The following PAAF1 variants were observed in gnomAD, a reference collection of about 807,000 sequenced individuals.
PAAF1 encodes the protein proteasomal ATPase associated factor 1.
A neutral mutation model predicts 52.8 loss-of-function variants in PAAF1; 46 were observed. The observed-to-expected ratio is 0.87, with a 90% CI of 0.69 to 1.11. The LOEUF (loss-of-function observed/expected upper bound fraction) is 1.11. Ranked by LOEUF, PAAF1 falls within the 50% of genes most tolerant of loss-of-function variation. The probability of loss-of-function intolerance (pLI) is 0.00; values close to 1 mark genes in which losing one functional copy is unlikely to be tolerated. For synonymous variants in PAAF1, 178 were observed against 172.8 expected, an observed-to-expected ratio of 1.03 and a Z score of -0.24; for missense variants, 424 against 477.4, an observed-to-expected ratio of 0.89 and a Z score of 1.04.
intron 4 of PAAF1, among the ~76,000 whole-genome samples, chr11:73,898,689 C>T (rs1427578673): frequency 6.6e-6 from 1 of 152,114 alleles, no homozygotes; most frequent in East Asian, 1.9e-4. Context: ...TGGTGTGCGC[C>T]TGTAGTCCCA....
At chr11:73,891,636 G>A (rs568092088) in intron 4 of PAAF1, among the ~76,000 whole-genome samples, 7 of 151,866 alleles carry the variant, frequency 4.6e-5, no homozygotes, top group South Asian at 4.1e-4. Flanking sequence ...TTAGCTGAGC[G>A]TGGTGGCACT....
Position 73,919,038 on chromosome 11 carries a change from T to C in PAAF1, c.1018+6T>C, listed in dbSNP as rs1395293689. On this transcript the variant is annotated splice_donor_region_variant and intron_variant, in intron 10 of 11. Transcript: ENST00000310571. ...TGGATTCATTGCTAGCCAAGGTGGGTCCATGGGCCAATTGAGAGAGATGCT... is the reference window on the plus strand; with the variant it reads ...TGGATTCATTGCTAGCCAAGGTGGGCCCATGGGCCAATTGAGAGAGATGCT... 1 of 1,608,746 alleles carries C rather than the reference T, an allele frequency of 6.2e-7. No homozygotes were observed. The highest frequency in any genetic ancestry group is 1.3e-5 in the African/African-American group (1 of 74,650).
At chr11:73,895,266 T>C (rs1325554876) in intron 4 of PAAF1, among the ~76,000 whole-genome samples, 1 of 152,176 alleles carries the variant, frequency 6.6e-6, no homozygotes, top group Non-Finnish European at 1.5e-5. Flanking sequence ...TTCCATTTAC[T>C]AATTGGAGGA....
intron 6 of PAAF1, among the ~76,000 whole-genome samples, chr11:73,905,243 A>G (rs1949724945): frequency 6.6e-6 from 1 of 150,466 alleles, no homozygotes; most frequent in Non-Finnish European, 1.5e-5. Flanking sequence ...TTTTTTTTTG[A>G]GACAGAATCT....
At chr11:73,917,831 A>C (rs1565150603) in intron 9 of PAAF1, among the ~76,000 whole-genome samples, 1 of 151,482 alleles carries the variant, frequency 6.6e-6, no homozygotes, top group African/African-American at 2.4e-5. Flanking sequence ...AGATCGTGCC[A>C]CTGGACTCCA....
chr11:73,922,361 T>C (rs1282964572), intron 10 of PAAF1, among the ~76,000 whole-genome samples: 1 of 152,148 alleles, frequency 6.6e-6, no homozygotes, highest in African/African-American at 2.4e-5. Context: ...AAGAGAAAGT[T>C]ATCAGAAACC....
At chr11:73,917,350 G>C (rs536484845) in intron 9 of PAAF1, among the ~76,000 whole-genome samples, 41 of 152,148 alleles carry the variant, frequency 2.7e-4, no homozygotes, top group Middle Eastern at 6.8e-3. Context: ...AAGGAACCCA[G>C]CTCTGTTAGT....
intron 8 of PAAF1, among the ~76,000 whole-genome samples, chr11:73,915,874 A>G (rs1372077168): frequency 6.6e-6 from 1 of 152,038 alleles, no homozygotes; most frequent in African/African-American, 2.4e-5. Context: ...CCATTTTCAA[A>G]GTTTGTTTCA....
At chr11:73,901,870 C>CTTT (rs35218096) in intron 6 of PAAF1, among the ~76,000 whole-genome samples, 4 of 128,224 alleles carry the variant, frequency 3.1e-5, no homozygotes, top group African/African-American at 2.9e-5. Flanking sequence ...TGCGCCTTGC[C>CTTT]TTTTTTTTTT....
At chr11:73,909,767 A>G (rs1949876668) in intron 7 of PAAF1, among the ~76,000 whole-genome samples, 174 bp downstream of exon 7, 1 of 152,196 alleles carries the variant, frequency 6.6e-6, no homozygotes, top group Admixed American at 6.5e-5. Context: ...TTTGGAATCT[A>G]CAAAGGAAGT....
intron 2 of PAAF1, among the ~76,000 whole-genome samples, chr11:73,882,142 A>C (rs968877940): frequency 6.6e-6 from 1 of 151,798 alleles, no homozygotes; most frequent in Non-Finnish European, 1.5e-5. Flanking sequence ...CAGCCTCCCA[A>C]AGTGCTGGGA....
chr11:73,881,854 G>A (rs1388862605), intron 2 of PAAF1, among the ~76,000 whole-genome samples: 1 of 151,858 alleles, frequency 6.6e-6, no homozygotes, highest in Non-Finnish European at 1.5e-5. Flanking sequence ...CTACAGGCGC[G>A]TGCTACCATG....
chr11:73,903,694 C>A (rs966474898), intron 6 of PAAF1, among the ~76,000 whole-genome samples: 15 of 145,990 alleles, frequency 1.0e-4, no homozygotes, highest in African/African-American at 3.6e-4. Flanking sequence ...TCCAGCCTGG[C>A]CAACAAATGA....
rs1263428173 is a variant in PAAF1, at chr11:73,896,194, ATATCTG to A, written c.283-2948_283-2943del. On this transcript the variant is annotated intron_variant, in intron 4 of 11. Coordinates refer to ENST00000310571, the MANE Select transcript of PAAF1 (RefSeq NM_025155.3). ...CTCTATTCTTTATTCTGAAAGATCTATATCTGTATATTTTCTATAGCTATACCTATA... is the reference window on the plus strand; with the variant it reads ...CTCTATTCTTTATTCTGAAAGATCTATATATTTTCTATAGCTATACCTATA... 1.3e-4 allele frequency among the ~76,000 whole-genome samples: 20 copies of A among 150,908 alleles called. No homozygotes were observed. The South Asian group carries it at 4.0e-3, about 30-fold the overall frequency.
intron 7 of PAAF1, 102 bp downstream of exon 7, chr11:73,909,695 C>G: frequency 9.8e-7 from 1 of 1,017,480 alleles, no homozygotes; most frequent in Non-Finnish European, 1.5e-6. Flanking sequence ...TGCTCTGTGC[C>G]TGGTATTTCT....
At chr11:73,889,211 A>G in intron 3 of PAAF1, 2 of 1,488,448 alleles carry the variant, frequency 1.3e-6, no homozygotes, top group Non-Finnish European at 1.8e-6. Context: ...ATGATTGCTA[A>G]TTTTTGCTGT....
At chr11:73,908,391 A>ATATATATATG (rs1268609515) in intron 6 of PAAF1, among the ~76,000 whole-genome samples, 1 of 147,382 alleles carries the variant, frequency 6.8e-6, no homozygotes, top group Non-Finnish European at 1.5e-5. Flanking sequence ...ATGTGTGTAT[A>ATATATATATG]TATATATGTG....
At chr11:73,908,888 G>A (rs147962648) in intron 6 of PAAF1, among the ~76,000 whole-genome samples, 3,089 of 150,164 alleles carry the variant, frequency 0.021, 103 homozygotes, top group African/African-American at 0.07. Flanking sequence ...TCCCAGGTTC[G>A]AGCGATTCTC....
chr11:73,911,186 T>C (rs1323333790), intron 7 of PAAF1, among the ~76,000 whole-genome samples: 3 of 152,106 alleles, frequency 2.0e-5, no homozygotes, highest in Non-Finnish European at 4.4e-5. Flanking sequence ...TTATATATCC[T>C]ATAGGGTCTG....
Sources: allele counts gnomAD v4.1 joint callset (sites outside exome capture counted in the v4.1 genomes callset), GRCh38; gene constraint gnomAD v4.1.1; transcripts MANE v1.5; gene names NCBI Gene and HGNC (gene_info 2026-07-23, HGNC 2026-07-21).